RAI1: variants seen among roughly 807,000 people sequenced by gnomAD.
The protein encoded by RAI1 is retinoic acid-induced protein 1.
A neutral mutation model predicts 123.8 loss-of-function variants in RAI1; 9 were observed. The observed-to-expected ratio is 0.07, with a 90% CI of 0.04 to 0.13. The LOEUF is 0.13. RAI1 is among the 10% of genes least tolerant of loss of function. The probability of loss-of-function intolerance (pLI) is 1.00; values close to 1 mark genes in which losing one functional copy is unlikely to be tolerated. For synonymous variants in RAI1, 1,231 were observed against 1,127.3 expected (o/e 1.09, Z -1.84); for missense variants, 2,256 against 2,545.8 (o/e 0.89, Z 2.45).
At chr17:17,792,037 T>C (rs1279157783) in intron 2 of RAI1, among the ~76,000 whole-genome samples, 3 of 151,824 alleles carry the variant, frequency 2.0e-5, no homozygotes, top group Non-Finnish European at 2.9e-5. Context: ...TGTCGCCCCA[T>C]GTGGGTGGGG....
intron 2 of RAI1, among the ~76,000 whole-genome samples, chr17:17,754,308 A>G (rs1014339209): frequency 1.4e-5 from 2 of 145,598 alleles, no homozygotes; most frequent in Non-Finnish European, 3.0e-5. Flanking sequence ...GGGTTCAAGC[A>G]GTTCTCCTGC....
chr17:17,716,270 C>G (rs758744255), intron 1 of RAI1, among the ~76,000 whole-genome samples: 1 of 152,204 alleles, frequency 6.6e-6, no homozygotes, highest in Non-Finnish European at 1.5e-5. Context: ...CAGAGATACC[C>G]ATGAGCCCTG....
At chr17:17,782,198 C>G (rs1418260994) in intron 2 of RAI1, 1 of 152,070 alleles carries the variant, frequency 6.6e-6, no homozygotes, top group Non-Finnish European at 1.5e-5. Flanking sequence ...CGCTCAGAGT[C>G]CGGAGCCGCC....
chr17:17,767,562 C>A (rs746841944), intron 2 of RAI1, among the ~76,000 whole-genome samples: 4 of 152,296 alleles, frequency 2.6e-5, no homozygotes, highest in Non-Finnish European at 4.4e-5. Context: ...GCTTTTGCAT[C>A]CTGCCTTTTC....
At chr17:17,713,344 AAATAAT>A (rs1555554772) in intron 1 of RAI1, among the ~76,000 whole-genome samples, 2 of 152,120 alleles carry the variant, frequency 1.3e-5, no homozygotes, top group African/African-American at 4.8e-5. Flanking sequence ...TCCTGTCTCT[AAATAAT>A]AATAATAGGC....
chr17:17,743,969 C>T (rs1916725986), intron 2 of RAI1, among the ~76,000 whole-genome samples: 2 of 152,236 alleles, frequency 1.3e-5, no homozygotes, highest in East Asian at 1.9e-4. Flanking sequence ...GGGAGACCAG[C>T]AGGAGCTCTG....
chr17:17,733,596 G>T (rs534364917), intron 2 of RAI1, among the ~76,000 whole-genome samples: 58 of 152,082 alleles, frequency 3.8e-4, no homozygotes, highest in Admixed American at 6.5e-4. Context: ...GACATGGCAC[G>T]CCCCAGGTCC....
Position 17,722,218 on chromosome 17 carries a change from T to TG in RAI1, c.-148-1808dup, listed in dbSNP as rs142926572. Among the ~76,000 whole-genome samples the TG allele has an allele frequency of 5.1e-3, 775 of 152,164 alleles. 10 individuals carry two copies. The highest frequency in any genetic ancestry group is 0.018 in the African/African-American group (743 of 41,510). The stretch of plus-strand genomic sequence containing the variant: ...TGGTGCAGTAACTCCGGTAGATGGA[T>TG]GGACACGTGGATGGATAGAAAGGTG... On this transcript the variant is annotated intron_variant, in intron 1 of 5. Coordinates refer to ENST00000353383, the MANE Select transcript of RAI1 (RefSeq NM_030665.4).
intron 1 of RAI1, among the ~76,000 whole-genome samples, chr17:17,682,799 G>C (rs1914483892): frequency 6.6e-6 from 1 of 152,036 alleles, no homozygotes; most frequent in African/African-American, 2.4e-5. Flanking sequence ...TCCACGCAGG[G>C]GCCGGAGTGC....
chr17:17,722,787 C>T (rs1430366821), intron 1 of RAI1, among the ~76,000 whole-genome samples: 1 of 152,204 alleles, frequency 6.6e-6, no homozygotes, highest in East Asian at 1.9e-4. Context: ...CTCCAAGCTG[C>T]GTCTCTGATG....
At chr17:17,720,639 G>A (rs1479596378) in intron 1 of RAI1, among the ~76,000 whole-genome samples, 1 of 152,228 alleles carries the variant, frequency 6.6e-6, no homozygotes, top group Non-Finnish European at 1.5e-5. Context: ...ACTGTGCTTG[G>A]TGGAGGTGAG....
intron 1 of RAI1, among the ~76,000 whole-genome samples, chr17:17,691,756 C>T (rs1914845031): frequency 6.6e-6 from 1 of 152,124 alleles, no homozygotes; most frequent in Non-Finnish European, 1.5e-5. Flanking sequence ...GGAACTCCAG[C>T]CCCCAGCATG....
At chr17:17,774,889 T>C (rs2031282278) in intron 2 of RAI1, among the ~76,000 whole-genome samples, 1 of 152,154 alleles carries the variant, frequency 6.6e-6, no homozygotes, top group Admixed American at 6.6e-5. Context: ...CACAGGGAAC[T>C]TGAGTTGCCT....
chr17:17,723,329 T>C (rs1915948287), intron 1 of RAI1, among the ~76,000 whole-genome samples: 1 of 122,858 alleles, frequency 8.1e-6, no homozygotes, highest in Admixed American at 8.2e-5. Context: ...ATTCACTAGC[T>C]TGTATCCAGA....
At chr17:17,757,786 A>ATCTCCTTT (rs2030504960) in intron 2 of RAI1, among the ~76,000 whole-genome samples, 1 of 152,130 alleles carries the variant, frequency 6.6e-6, no homozygotes, top group South Asian at 2.1e-4. Context: ...CTAAAAGGAG[A>ATCTCCTTT]AGCAGTAATC....
rs756002238 is a variant in RAI1 at position 17,796,514 on chromosome 17, T to C, written c.3566T>C (p.Val1189Ala). The C allele has an allele frequency of 3.1e-6, 5 of 1,610,166 alleles. No individual in the cohort carries two copies. Among genetic ancestry groups the C allele is most frequent in the Non-Finnish European group, 4.2e-6 (5 of 1,179,584 alleles). ...AGCCACTTGCCCGCCACATTCAAGGTCTCCAGCAGCCCCCAGAAGGAGGGC... is the reference window on the plus strand; with the variant it reads ...AGCCACTTGCCCGCCACATTCAAGGCCTCCAGCAGCCCCCAGAAGGAGGGC... Reference protein sequence around the residue: ...DNSHLPATFKVSSSPQKEGRV... With the variant: ...DNSHLPATFKASSSPQKEGRV... The change falls in exon 3 of 6, where the codon GTC becomes GCC. Residue 1189 changes from valine (V) to alanine (A), a missense_variant. Physicochemically the swap from Val to Ala is moderately conservative, Grantham distance 64. This residue lies in a region of RAI1 where 322 missense variants were observed against 358.0 expected (regional missense o/e 0.90). Transcript: ENST00000353383. This position sits in a 1 kb window ranked among gnomAD's most constrained non-coding sequence, Gnocchi z 5.8.
chr17:17,778,658 C>T (rs1230793928), intron 2 of RAI1: 1 of 449,394 alleles, frequency 2.2e-6, no homozygotes, highest in East Asian at 7.0e-5. Flanking sequence ...TGAGCCCTCA[C>T]AGTTCATTGG....
intron 2 of RAI1, among the ~76,000 whole-genome samples, chr17:17,743,223 C>T (rs1282496032): frequency 1.3e-5 from 2 of 152,206 alleles, no homozygotes; most frequent in Non-Finnish European, 1.5e-5. Context: ...CTCCTGGGTT[C>T]ATGTGATCCT....
rs1450509639 is a variant in RAI1 at position 17,685,464 on chromosome 17, AGT to A, written c.-149+3673_-149+3674del. On this transcript the variant is annotated intron_variant, in intron 1 of 5. Transcript: ENST00000353383. This position sits in a 1 kb window ranked among gnomAD's most constrained non-coding sequence, Gnocchi z 4.0. ...GGTGCTTCAGGCACGGCGAGGTAAG[AGT>A]GAGAGGAGCATTCCTGGCAGAGGGA... Among the ~76,000 whole-genome samples, 1 of 152,186 alleles carries A rather than the reference AGT, an allele frequency of 6.6e-6. No individual in the cohort carries two copies. The highest frequency in any genetic ancestry group is 2.4e-5 in the African/African-American group (1 of 41,434).
Sources: allele counts gnomAD v4.1 joint callset (sites outside exome capture counted in the v4.1 genomes callset), GRCh38; gene constraint gnomAD v4.1.1; regional missense constraint gnomAD v4.1.1; non-coding constraint Gnocchi (gnomAD v3.1); transcripts MANE v1.5; gene names NCBI Gene and HGNC (gene_info 2026-07-23, HGNC 2026-07-21).